The following NR3C1 variants were observed in gnomAD, a reference collection of about 807,000 sequenced individuals.
NR3C1 encodes the protein nuclear receptor subfamily 3 group C member 1.
Under a neutral mutation model 74.0 loss-of-function variants are expected in NR3C1, and 14 were observed. The observed-to-expected ratio is 0.19, with a 90% CI of 0.12 to 0.30. The LOEUF (loss-of-function observed/expected upper bound fraction) is 0.30. NR3C1 is among the 10% of genes least tolerant of loss of function. The pLI is 1.00. For missense variants in NR3C1, 695 were observed against 909.8 expected (o/e 0.76, Z 3.04); for synonymous variants, 308 against 332.5 (o/e 0.93, Z 0.80).
intron 1 of NR3C1, among the ~76,000 whole-genome samples, chr5:143,419,636 T>C (rs561124435): frequency 6.6e-6 from 1 of 152,130 alleles, no homozygotes; most frequent in South Asian, 2.1e-4. Context: ...GGGGAGGGAA[T>C]GTACGAATAG....
In NR3C1 at chr5:143,421,413, C is replaced by T. The variant is rs189782882; in HGVS notation, c.-14+13119G>A. ...TAGCTACAGTGACCTTGATAAACTCCTTAACCTCTGTGTGCTTCAGAGTCC... is the reference window on the plus strand; with the variant it reads ...TAGCTACAGTGACCTTGATAAACTCTTTAACCTCTGTGTGCTTCAGAGTCC... On this transcript the variant is annotated intron_variant, in intron 1 of 8. Coordinates refer to the NR3C1 transcript ENST00000343796. Among the ~76,000 whole-genome samples the T allele has an allele frequency of 7.2e-5, 11 of 152,276 alleles. No homozygotes were observed. The East Asian group carries it at 2.1e-3, about 29-fold the overall frequency.
chr5:143,289,129 A>G (rs1815270482), intron 7 of NR3C1, among the ~76,000 whole-genome samples: 2 of 152,156 alleles, frequency 1.3e-5, no homozygotes, highest in Admixed American at 1.3e-4. Flanking sequence ...ATCCAAAACA[A>G]CAGTTTGGAA....
At chr5:143,393,251 T>C (rs1426914389) in intron 2 of NR3C1, among the ~76,000 whole-genome samples, 3 of 152,154 alleles carry the variant, frequency 2.0e-5, no homozygotes, top group Non-Finnish European at 4.4e-5. Context: ...CGATAATCTA[T>C]AAAGAAAATG....
rs536927996 is a variant in NR3C1, at chr5:143,396,306, G to C, written c.1184+3350C>G. On this transcript the variant is annotated intron_variant, in intron 2 of 8. Transcript: ENST00000394464. The stretch of plus-strand genomic sequence containing the variant: ...ATTCTCATCATAAAGCTAAAAATAA[G>C]TGAAAATATATTTAAAAAGAAATCT... Among the ~76,000 whole-genome samples, 3 of 151,670 alleles carry C rather than the reference G, an allele frequency of 2.0e-5. 1 individual carries two copies. The South Asian group carries it at 6.2e-4, about 32-fold the overall frequency.
chr5:143,284,491 CTAAT>C (rs147722759), intron 7 of NR3C1, among the ~76,000 whole-genome samples: 1 of 152,214 alleles, frequency 6.6e-6, no homozygotes, highest in East Asian at 1.9e-4. Flanking sequence ...TACAGAAAAT[CTAAT>C]TATTGCAAAA....
chr5:143,331,043 C>T (rs191914229), intron 2 of NR3C1, among the ~76,000 whole-genome samples: 137 of 152,162 alleles, frequency 9.0e-4, no homozygotes, highest in Non-Finnish European at 1.5e-3. Context: ...CCGTATTACC[C>T]GACTTCAAAC....
At chr5:143,326,462 T>C (rs1012536122) in intron 2 of NR3C1, among the ~76,000 whole-genome samples, 13 of 152,244 alleles carry the variant, frequency 8.5e-5, no homozygotes, top group African/African-American at 2.2e-4. Flanking sequence ...AATGAACATA[T>C]TGGCATTCCA....
chr5:143,316,901 A>T (rs1422094539), intron 2 of NR3C1, among the ~76,000 whole-genome samples: 2 of 152,184 alleles, frequency 1.3e-5, no homozygotes, highest in African/African-American at 4.8e-5. Context: ...ATGTATGCAA[A>T]ACATGTTCAG....
At chr5:143,405,077 C>A (rs1377003524), upstream of NR3C1, 2 of 973,266 alleles carry the variant, frequency 2.1e-6, no homozygotes, top group Non-Finnish European at 2.4e-6. Flanking sequence ...GTGCGGGAAG[C>A]CCCCGCCCCA....
intron 3 of NR3C1, among the ~76,000 whole-genome samples, chr5:143,312,627 AT>A (rs1380835771): frequency 6.6e-6 from 1 of 152,232 alleles, no homozygotes; most frequent in African/African-American, 2.4e-5. Flanking sequence ...GATATTTTCA[AT>A]TCACAATGGG....
At chr5:143,415,285 C>T (rs796271484) in intron 1 of NR3C1, among the ~76,000 whole-genome samples, 26 of 151,978 alleles carry the variant, frequency 1.7e-4, no homozygotes, top group African/African-American at 5.8e-4. Context: ...CATTATTCCC[C>T]TCTTTAAAAA....
intron 2 of NR3C1, among the ~76,000 whole-genome samples, chr5:143,349,661 C>A (rs1478583280): frequency 6.6e-6 from 1 of 152,144 alleles, no homozygotes; most frequent in African/African-American, 2.4e-5. Flanking sequence ...TGAAACTTAC[C>A]CTCTTCCTGT....
chr5:143,377,007 G>A (rs566307484), intron 2 of NR3C1, among the ~76,000 whole-genome samples: 12 of 152,208 alleles, frequency 7.9e-5, no homozygotes, highest in Admixed American at 2.6e-4. Context: ...CTGTGATCTC[G>A]GTTACACTGG....
In NR3C1 at chr5:143,283,515, C is replaced by T. The variant is rs1159341575; in HGVS notation, c.2024-790G>A. On this transcript the variant is annotated intron_variant, in intron 7 of 8. Coordinates refer to ENST00000394464, the MANE Select transcript of NR3C1 (RefSeq NM_000176.3). ...TGAGATAGATAGAAGGCTTCAACAA[C>T]AGTGTTTATTCCAGCAATTATATCT... 2.6e-5 allele frequency among the ~76,000 whole-genome samples: 4 copies of T among 152,166 alleles called. No homozygotes were observed. The East Asian group carries it at 5.8e-4, about 22-fold the overall frequency.
chr5:143,408,944 A>T (rs1324255121), intron 1 of NR3C1: 1 of 152,224 alleles, frequency 6.6e-6, no homozygotes, highest in Non-Finnish European at 1.5e-5. Context: ...GCTATAGGGC[A>T]TCTTTCCATT....
At chr5:143,287,906 G>A (rs1814864529) in intron 7 of NR3C1, among the ~76,000 whole-genome samples, 1 of 152,128 alleles carries the variant, frequency 6.6e-6, no homozygotes, top group Non-Finnish European at 1.5e-5. Context: ...ACTGTATATA[G>A]CTGCTTTCCT....
At chr5:143,384,188 T>C (rs1273524130) in intron 2 of NR3C1, among the ~76,000 whole-genome samples, 2 of 152,090 alleles carry the variant, frequency 1.3e-5, no homozygotes, top group Non-Finnish European at 2.9e-5. Flanking sequence ...CTCACGATCA[T>C]GAGAACAACA....
At chr5:143,321,063 T>G (rs1823263891) in intron 2 of NR3C1, among the ~76,000 whole-genome samples, 1 of 152,194 alleles carries the variant, frequency 6.6e-6, no homozygotes, top group Admixed American at 6.5e-5. Flanking sequence ...CGGATTTTGT[T>G]CCCACCTTAT....
chr5:143,372,009 A>G (rs1218381994), intron 2 of NR3C1, among the ~76,000 whole-genome samples: 2 of 152,206 alleles, frequency 1.3e-5, no homozygotes, highest in African/African-American at 4.8e-5. Flanking sequence ...AGGTAGTACC[A>G]AACACTATAT....
Sources: allele counts gnomAD v4.1 joint callset (sites outside exome capture counted in the v4.1 genomes callset), GRCh38; gene constraint gnomAD v4.1.1; transcripts MANE v1.5; gene names NCBI Gene and HGNC (gene_info 2026-07-23, HGNC 2026-07-21).